STPG2: variants seen among roughly 807,000 people sequenced by gnomAD.
STPG2 encodes the protein sperm tail PG-rich repeat containing 2.
Under a neutral mutation model 54.2 loss-of-function variants are expected in STPG2, and 56 were observed. The observed-to-expected ratio is 1.03, with a 90% CI of 0.83 to 1.29. STPG2 has a LOEUF of 1.29. Ranked by LOEUF, STPG2 falls within the 50% of genes most tolerant of loss-of-function variation. The pLI, the probability that STPG2 is intolerant of heterozygous loss-of-function variation, is 0.00. For synonymous variants in STPG2, 200 were observed against 181.8 expected (o/e 1.10, Z -0.81); for missense variants, 596 against 544.9 (o/e 1.09, Z -0.93).
intron 10 of STPG2, among the ~76,000 whole-genome samples, chr4:97,685,810 C>T (rs1233175948): frequency 1.3e-5 from 2 of 152,154 alleles, no homozygotes; most frequent in African/African-American, 4.8e-5. Context: ...ACTGTGCTTT[C>T]AGCAAAATAT....
chr4:98,006,191 C>T (rs1365088222), intron 5 of STPG2, among the ~76,000 whole-genome samples: 5 of 152,210 alleles, frequency 3.3e-5, no homozygotes, highest in African/African-American at 7.2e-5. Flanking sequence ...CTTTACATCA[C>T]GGGGAAGAGA....
chr4:97,620,874 C>T (rs1171351703), intron 10 of STPG2, among the ~76,000 whole-genome samples: 1 of 152,046 alleles, frequency 6.6e-6, no homozygotes, highest in Non-Finnish European at 1.5e-5. Context: ...ATTGACCACA[C>T]AATTGGACAT....
At chr4:97,768,771 A>C (rs1726133694) in intron 9 of STPG2, among the ~76,000 whole-genome samples, 1 of 151,214 alleles carries the variant, frequency 6.6e-6, no homozygotes, top group South Asian at 2.1e-4. Context: ...GCACGATCTC[A>C]GCTCACTGCA....
At chr4:97,592,409 C>T (rs1022360174) in intron 10 of STPG2, among the ~76,000 whole-genome samples, 7 of 152,118 alleles carry the variant, frequency 4.6e-5, no homozygotes, top group Non-Finnish European at 5.9e-5. Context: ...GATCTCAATA[C>T]ATCAAGCTCA....
chr4:97,585,811 C>G (rs538918469), intron 10 of STPG2, among the ~76,000 whole-genome samples: 1 of 151,802 alleles, frequency 6.6e-6, no homozygotes, highest in Non-Finnish European at 1.5e-5. Flanking sequence ...GTTATTAGAG[C>G]CTTAACCCTC....
intron 4 of STPG2, among the ~76,000 whole-genome samples, chr4:97,505,256 C>T (rs1730819295): frequency 6.6e-6 from 1 of 151,884 alleles, no homozygotes; most frequent in South Asian, 2.1e-4. Flanking sequence ...CAAATCACCC[C>T]AAATGGCATT....
chr4:97,727,828 TAAA>T (rs1478844948), intron 9 of STPG2, among the ~76,000 whole-genome samples: 1 of 151,930 alleles, frequency 6.6e-6, no homozygotes, highest in Non-Finnish European at 1.5e-5. Flanking sequence ...ATACTAAGTC[TAAA>T]ATTATAATTT....
chr4:97,629,372 A>G (rs1464250013), intron 10 of STPG2, among the ~76,000 whole-genome samples: 1 of 152,078 alleles, frequency 6.6e-6, no homozygotes, highest in Non-Finnish European at 1.5e-5. Context: ...TACTTAAGAT[A>G]AAAAACTGGA....
intron 8 of STPG2, among the ~76,000 whole-genome samples, chr4:97,939,449 G>T (rs1463118611): frequency 6.6e-6 from 1 of 152,164 alleles, no homozygotes; most frequent in East Asian, 1.9e-4. Flanking sequence ...CTCTTTGTAG[G>T]TCTCTAAGAA....
At chr4:97,748,586 AG>A (rs940112816) in intron 9 of STPG2, among the ~76,000 whole-genome samples, 1 of 151,538 alleles carries the variant, frequency 6.6e-6, no homozygotes, top group African/African-American at 2.4e-5. Flanking sequence ...TTTGCTACAA[AG>A]GGTCAGATAG....
At chr4:97,765,620 C>A (rs1406394558) in intron 9 of STPG2, among the ~76,000 whole-genome samples, 1 of 152,056 alleles carries the variant, frequency 6.6e-6, no homozygotes, top group Non-Finnish European at 1.5e-5. Context: ...CTTCAACAAA[C>A]CAATAGCTGA....
At chr4:97,902,047 T>A (rs934259772) in intron 8 of STPG2, among the ~76,000 whole-genome samples, 1 of 152,038 alleles carries the variant, frequency 6.6e-6, no homozygotes, top group Admixed American at 6.6e-5. Flanking sequence ...CAAAAATGAA[T>A]GATATAGAAA....
At chr4:97,738,876 C>G (rs1725118029) in intron 9 of STPG2, among the ~76,000 whole-genome samples, 1 of 152,182 alleles carries the variant, frequency 6.6e-6, no homozygotes, top group African/African-American at 2.4e-5. Context: ...TAGACATCTA[C>G]AGAACTCTCC....
intron 5 of STPG2, among the ~76,000 whole-genome samples, chr4:98,083,283 T>C (rs908865748): frequency 6.6e-6 from 1 of 152,212 alleles, no homozygotes; most frequent in Non-Finnish European, 1.5e-5. Context: ...GATGAAAAGA[T>C]AACTTTGGAA....
chr4:97,946,694 G>T (rs537370443), intron 7 of STPG2, among the ~76,000 whole-genome samples: 1 of 152,232 alleles, frequency 6.6e-6, no homozygotes, highest in African/African-American at 2.4e-5. Context: ...TCAAAGATCA[G>T]TTGGTTGTAA....
chr4:97,895,258 C>G (rs1043090868), intron 8 of STPG2, among the ~76,000 whole-genome samples: 2 of 151,772 alleles, frequency 1.3e-5, no homozygotes, highest in Non-Finnish European at 3.0e-5. Context: ...TAATCTACAC[C>G]TAAAACATGA....
At chr4:97,727,956 C>T (rs776385215) in intron 9 of STPG2, among the ~76,000 whole-genome samples, 2 of 151,874 alleles carry the variant, frequency 1.3e-5, no homozygotes, top group Non-Finnish European at 2.9e-5. Flanking sequence ...AAATAGTTCA[C>T]ATCAAAAAGC....
At chr4:98,109,850 G>T (rs927318711) in intron 3 of STPG2, among the ~76,000 whole-genome samples, 5 of 152,034 alleles carry the variant, frequency 3.3e-5, no homozygotes, top group African/African-American at 1.2e-4. Context: ...GTCTTTTAAT[G>T]ACAGAGAAAT....
chr4:97,578,173 A>C (rs1732771592), intron 10 of STPG2, among the ~76,000 whole-genome samples: 1 of 148,628 alleles, frequency 6.7e-6, no homozygotes, highest in African/African-American at 2.5e-5. Flanking sequence ...GCTGTGATCA[A>C]GGCTCACTGC....
Sources: allele counts gnomAD v4.1 joint callset (sites outside exome capture counted in the v4.1 genomes callset), GRCh38; gene constraint gnomAD v4.1.1; transcripts MANE v1.5; gene names NCBI Gene and HGNC (gene_info 2026-07-23, HGNC 2026-07-21).